CHRM5: variants seen among roughly 807,000 people sequenced by gnomAD.
The protein encoded by CHRM5 is cholinergic receptor muscarinic 5, also known as muscarinic acetylcholine receptor M5.
CHRM5 carries 18 observed loss-of-function variants against 39.0 expected under a neutral mutation model. The observed-to-expected ratio is 0.46, with a 90% CI of 0.32 to 0.68. The LOEUF is 0.68. Among genes scored for constraint, CHRM5 ranks in the 30% least tolerant of loss-of-function variants. The probability of loss-of-function intolerance (pLI) is 0.04; values close to 1 mark genes in which losing one functional copy is unlikely to be tolerated. For synonymous variants in CHRM5, 241 were observed against 246.3 expected (o/e 0.98, Z 0.20); for missense variants, 515 against 651.1 (o/e 0.79, Z 2.28).
chr15:34,015,606 G>C (rs974949589), intron 1 of CHRM5, among the ~76,000 whole-genome samples: 20 of 152,086 alleles, frequency 1.3e-4, no homozygotes, highest in Non-Finnish European at 2.8e-4. Flanking sequence ...TCGGTCTTTA[G>C]GAGCTAAGAA....
At chr15:34,017,811 C>G (rs565948257) in intron 1 of CHRM5, among the ~76,000 whole-genome samples, 2 of 152,230 alleles carry the variant, frequency 1.3e-5, no homozygotes, top group South Asian at 2.1e-4. Flanking sequence ...TTATTAAAAA[C>G]TCCATTGTCT....
chr15:34,038,900 TCCGCCTCCGTCCCCGCCG>T, intron 1 of CHRM5: 6 of 1,121,412 alleles, frequency 5.4e-6, no homozygotes, highest in South Asian at 4.2e-5. Flanking sequence ...GGCCCCGGCG[TCCGCCTCCGTCCCCGCCG>T]CCGCCTCCGC....
At chr15:34,000,647 T>TA (rs1263232377) in intron 1 of CHRM5, among the ~76,000 whole-genome samples, 1 of 152,208 alleles carries the variant, frequency 6.6e-6, no homozygotes, top group African/African-American at 2.4e-5. Context: ...CTGCATACTC[T>TA]AGAATTTTTA....
chr15:34,041,208 A>G (rs1237076078), intron 1 of CHRM5, among the ~76,000 whole-genome samples: 5 of 152,168 alleles, frequency 3.3e-5, no homozygotes, highest in Non-Finnish European at 5.9e-5. Flanking sequence ...TCTCCCCCTC[A>G]TTAAGACAAC....
At chr15:34,043,892 T>G (rs1367265740) in intron 1 of CHRM5, among the ~76,000 whole-genome samples, 5 of 152,130 alleles carry the variant, frequency 3.3e-5, no homozygotes, top group East Asian at 1.9e-4. Context: ...TTGTCTGCCT[T>G]CCTTCCTGTT....
intron 1 of CHRM5, chr15:34,007,176 A>C: frequency 2.5e-6 from 1 of 398,162 alleles, no homozygotes. Flanking sequence ...ACACACACAA[A>C]TCCATTTAAA....
intron 1 of CHRM5, among the ~76,000 whole-genome samples, chr15:33,977,864 G>A (rs562479161): frequency 6.6e-6 from 1 of 152,104 alleles, no homozygotes; most frequent in African/African-American, 2.4e-5. Context: ...TTGAGCCCAG[G>A]AGGTCAAAGC....
intron 1 of CHRM5, among the ~76,000 whole-genome samples, chr15:33,983,882 T>C (rs1896304822): frequency 6.6e-6 from 1 of 151,340 alleles, no homozygotes; most frequent in Non-Finnish European, 1.5e-5. Context: ...GAAAGGTACA[T>C]CATCTTAGGG....
intron 2 of CHRM5, among the ~76,000 whole-genome samples, chr15:34,052,859 T>TG (rs1337698917): frequency 6.6e-6 from 1 of 151,948 alleles, no homozygotes; most frequent in Non-Finnish European, 1.5e-5. Context: ...CACAAACAAA[T>TG]GGAAAAACAT....
At chr15:34,060,325 A>G (rs1900292935) in intron 2 of CHRM5, among the ~76,000 whole-genome samples, 1 of 152,200 alleles carries the variant, frequency 6.6e-6, no homozygotes, top group Non-Finnish European at 1.5e-5. Flanking sequence ...AGCATGCAAG[A>G]TTGGGAAGAT....
chr15:34,003,323 C>G, intron 1 of CHRM5: 2 of 835,108 alleles, frequency 2.4e-6, no homozygotes, highest in South Asian at 3.2e-5. Context: ...ATAGACCAAG[C>G]TGTCTGAAGA....
intron 1 of CHRM5, among the ~76,000 whole-genome samples, chr15:34,040,078 C>T (rs773975887): frequency 1.3e-5 from 2 of 152,282 alleles, no homozygotes; most frequent in Non-Finnish European, 2.9e-5. Context: ...CTGGTTCTTT[C>T]CTATATCCAT....
intron 1 of CHRM5, among the ~76,000 whole-genome samples, chr15:33,993,886 C>T (rs867997042): frequency 2.6e-5 from 4 of 152,090 alleles, no homozygotes; most frequent in Non-Finnish European, 4.4e-5. Context: ...ATCATACTAA[C>T]GAATTCTGTG....
intron 1 of CHRM5, among the ~76,000 whole-genome samples, chr15:33,983,223 T>TATAC (rs1175801204): frequency 0.065 from 7,251 of 110,704 alleles, 375 homozygotes; most frequent in African/African-American, 0.1. Flanking sequence ...TACATATATA[T>TATAC]ACACACACAT....
intron 1 of CHRM5, among the ~76,000 whole-genome samples, chr15:34,017,306 A>G (rs1428249963): frequency 6.6e-6 from 1 of 152,132 alleles, no homozygotes; most frequent in East Asian, 1.9e-4. Flanking sequence ...TTTAAACAGC[A>G]TGGAGATCTC....
chr15:34,009,563 A>T (rs7170890), intron 1 of CHRM5, among the ~76,000 whole-genome samples: 16,076 of 152,246 alleles, frequency 0.11, 938 homozygotes, highest in East Asian at 0.24. Flanking sequence ...GAAAAAGCAT[A>T]AAAAAATTCT....
At chr15:34,050,413 A>G (rs1488708094) in intron 2 of CHRM5, among the ~76,000 whole-genome samples, 9 of 152,326 alleles carry the variant, frequency 5.9e-5, no homozygotes, top group Admixed American at 5.9e-4. Context: ...AAGTACACAG[A>G]CCAGTGACAT....
chr15:33,990,376 T>G (rs771800637), intron 1 of CHRM5, among the ~76,000 whole-genome samples: 37 of 151,738 alleles, frequency 2.4e-4, no homozygotes, highest in Non-Finnish European at 4.3e-4. Flanking sequence ...AGTGAGACCC[T>G]GTCTGAAAAA....
intron 1 of CHRM5, among the ~76,000 whole-genome samples, chr15:33,984,195 T>A (rs1384186870): frequency 6.6e-6 from 1 of 152,092 alleles, no homozygotes; most frequent in Non-Finnish European, 1.5e-5. Context: ...TTATATAAAA[T>A]AATAATATTA....
Sources: gnomAD v4.1 joint callset for allele counts (sites outside exome capture counted in the v4.1 genomes callset) on GRCh38, gnomAD v4.1.1 for gene constraint, MANE v1.5 for transcripts, NCBI Gene and HGNC (gene_info 2026-07-23, HGNC 2026-07-21) for gene names.